Variants in NREP observed in about 807,000 individuals in gnomAD.
NREP encodes the protein neuronal regeneration related protein.
NREP carries 5 observed loss-of-function variants against 8.6 expected under a neutral mutation model. The observed-to-expected ratio is 0.58, with a 90% confidence interval of 0.30 to 1.22. The LOEUF (loss-of-function observed/expected upper bound fraction) is 1.22, where lower values mean the gene tolerates loss of function less well. Among genes scored for constraint, NREP ranks in the 50% most tolerant of loss-of-function variants. NREP has a pLI of 0.07. For missense variants in NREP, 86 were observed against 82.5 expected (o/e 1.04, Z -0.17); for synonymous variants, 27 against 28.0 (o/e 0.96, Z 0.11).
At chr5:111,920,750 C>T (rs986589426) in intron 2 of NREP, among the ~76,000 whole-genome samples, 6 of 152,184 alleles carry the variant, frequency 3.9e-5, no homozygotes, top group Middle Eastern at 3.4e-3. Flanking sequence ...ACTCCATGTT[C>T]CTTATCTCTT....
intron 2 of NREP, among the ~76,000 whole-genome samples, chr5:111,945,140 A>C (rs1268129688): frequency 6.6e-6 from 1 of 152,084 alleles, no homozygotes; most frequent in Non-Finnish European, 1.5e-5. Context: ...ATAGTTTATT[A>C]CACATTTGTT....
intron 2 of NREP, among the ~76,000 whole-genome samples, chr5:111,824,867 T>A (rs1752586809): frequency 6.6e-6 from 1 of 152,220 alleles, no homozygotes; most frequent in Non-Finnish European, 1.5e-5. Context: ...TTACAATAAA[T>A]AAATTATGTG....
At chr5:111,858,003 G>A (rs1213827818) in intron 2 of NREP, among the ~76,000 whole-genome samples, 1 of 151,442 alleles carries the variant, frequency 6.6e-6, no homozygotes, top group Non-Finnish European at 1.5e-5. Context: ...TGCTATTTGA[G>A]TCTACTTTAT....
chr5:111,916,769 T>A (rs1213601026), intron 2 of NREP, among the ~76,000 whole-genome samples: 1 of 152,166 alleles, frequency 6.6e-6, no homozygotes, highest in Non-Finnish European at 1.5e-5. Context: ...TGTAAAGTGC[T>A]TAGAATCAAC....
chr5:111,860,612 C>A (rs1287361432), intron 2 of NREP, among the ~76,000 whole-genome samples: 2 of 152,038 alleles, frequency 1.3e-5, no homozygotes, highest in African/African-American at 4.8e-5. Context: ...CAGTTGGTAC[C>A]CAAAGGAAAT....
chr5:111,751,755 A>C (rs1750375108), intron 2 of NREP, among the ~76,000 whole-genome samples: 1 of 151,950 alleles, frequency 6.6e-6, no homozygotes, highest in Admixed American at 6.6e-5. Context: ...CTCCTACATC[A>C]CTCCAGCAAC....
chr5:111,848,067 C>G (rs746170669), intron 2 of NREP, among the ~76,000 whole-genome samples: 1 of 152,224 alleles, frequency 6.6e-6, no homozygotes, highest in East Asian at 1.9e-4. Flanking sequence ...TTGGTCCTAT[C>G]CAAATATCTC....
chr5:111,762,372 A>G (rs1750979088), upstream of NREP, among the ~76,000 whole-genome samples: 1 of 152,072 alleles, frequency 6.6e-6, no homozygotes, highest in Admixed American at 6.6e-5. Context: ...TCCAGTAGCT[A>G]TCTTTGAGTA....
At chr5:111,834,139 C>T (rs1260557148) in intron 2 of NREP, among the ~76,000 whole-genome samples, 1 of 152,160 alleles carries the variant, frequency 6.6e-6, no homozygotes, top group Non-Finnish European at 1.5e-5. Flanking sequence ...GATTCTAGAG[C>T]AAATGCTGGG....
rs57221084 is a variant in NREP, at chr5:111,918,893, G to GAAAACAAAAC, written c.135+56371_135+56380dup. Among the ~76,000 whole-genome samples the GAAAACAAAAC allele has an allele frequency of 7.5e-3, 1,144 of 151,716 alleles. 10 individuals carry two copies. The highest frequency in any genetic ancestry group is 0.028 in the South Asian group (134 of 4,790). ...AATTGAACTAAAGAGCTTCTGCACA[G>GAAAACAAAAC]AAAACAAAACAAAACAAAACAAAAC... On this transcript the variant is annotated intron_variant, in intron 2 of 3. Coordinates refer to the NREP transcript ENST00000395634.
upstream of NREP, chr5:111,758,366 A>T (rs2112859762): frequency 4.9e-6 from 3 of 606,830 alleles, no homozygotes; most frequent in Non-Finnish European, 6.2e-6. Flanking sequence ...TGTACTTTTT[A>T]AAATCGAGGA....
chr5:111,860,414 G>C (rs530048563), intron 2 of NREP, among the ~76,000 whole-genome samples: 2 of 152,064 alleles, frequency 1.3e-5, no homozygotes, highest in African/African-American at 4.8e-5. Flanking sequence ...TCATCAGTTA[G>C]TGATGAGACC....
chr5:111,896,665 A>G (rs1561716059), intron 2 of NREP, among the ~76,000 whole-genome samples: 1 of 152,194 alleles, frequency 6.6e-6, no homozygotes, highest in Non-Finnish European at 1.5e-5. Flanking sequence ...AACTTCTTTT[A>G]TCCTCCTTAC....
At chr5:111,793,904 A>G (rs940922392) in intron 2 of NREP, among the ~76,000 whole-genome samples, 1 of 152,088 alleles carries the variant, frequency 6.6e-6, no homozygotes, top group Non-Finnish European at 1.5e-5. Context: ...ATAAAAAAAA[A>G]TTATAGCCAG....
chr5:111,878,173 A>G (rs986689308), intron 2 of NREP, among the ~76,000 whole-genome samples: 1 of 152,204 alleles, frequency 6.6e-6, no homozygotes, highest in African/African-American at 2.4e-5. Context: ...TATGTTATTT[A>G]TCATTTTCTG....
At chr5:111,973,359 C>T (rs1756874219) in intron 2 of NREP, among the ~76,000 whole-genome samples, 1 of 152,134 alleles carries the variant, frequency 6.6e-6, no homozygotes, top group Admixed American at 6.5e-5. Flanking sequence ...GCAACACTTG[C>T]AGGTATTAGC....
intron 2 of NREP, among the ~76,000 whole-genome samples, chr5:111,873,890 G>T (rs1753845142): frequency 6.6e-6 from 1 of 152,088 alleles, no homozygotes; most frequent in Non-Finnish European, 1.5e-5. Flanking sequence ...ATCAAATCTT[G>T]CATCTTCTTC....
intron 2 of NREP, among the ~76,000 whole-genome samples, chr5:111,844,371 T>C (rs1339701747): frequency 6.6e-6 from 1 of 151,908 alleles, no homozygotes; most frequent in Non-Finnish European, 1.5e-5. Flanking sequence ...TTCAAAATTT[T>C]AGTTCCAATT....
At chr5:111,776,471 G>A (rs182040933) in intron 2 of NREP, among the ~76,000 whole-genome samples, 5 of 152,256 alleles carry the variant, frequency 3.3e-5, no homozygotes, top group African/African-American at 7.2e-5. Context: ...GCTCCTAGGT[G>A]TATGAGAAAT....
Sources: gnomAD v4.1 joint callset for allele counts (sites outside exome capture counted in the v4.1 genomes callset) on GRCh38, gnomAD v4.1.1 for gene constraint, MANE v1.5 for transcripts, NCBI Gene and HGNC (gene_info 2026-07-23, HGNC 2026-07-21) for gene names.